Variants in WDR64 observed in about 807,000 individuals in gnomAD.
WDR64 encodes WD repeat domain 64, also known as WD repeat-containing protein 64.
Under a neutral mutation model 139.3 loss-of-function variants are expected in WDR64, and 112 were observed. The ratio of observed to expected loss-of-function variants is 0.80; its 90% confidence interval spans 0.69 to 0.94. The LOEUF is 0.94. WDR64 is among the 40% of genes least tolerant of loss of function. The pLI is 0.00. For synonymous variants in WDR64, 444 were observed against 437.7 expected (o/e 1.01, Z -0.18); for missense variants, 1,206 against 1,293.1 (o/e 0.93, Z 1.03).
intron 14 of WDR64, among the ~76,000 whole-genome samples, chr1:241,755,415 GT>G (rs1211933388): frequency 6.6e-6 from 1 of 152,048 alleles, no homozygotes; most frequent in Non-Finnish European, 1.5e-5. Flanking sequence ...TAATGGGGTT[GT>G]TTTTTTCTTG....
chr1:241,652,480 T>A lies in WDR64; in HGVS notation c.-5T>A, dbSNP rs1433880922. 2 of 1,551,924 alleles carry A rather than the reference T, an allele frequency of 1.3e-6. No homozygotes were observed. The highest frequency in any genetic ancestry group is 2.4e-5 in the East Asian group (1 of 40,916). On this transcript the variant is annotated 5_prime_UTR_variant, in exon 1 of 28. Transcript: ENST00000437684. ...GTACAGAAGTAAAAGATCCCCTATG[T>A]CCCTATGGATATCAGGAAGGAAAAG...
chr1:241,753,403 A>C (rs1340204335), intron 14 of WDR64, among the ~76,000 whole-genome samples: 3 of 152,192 alleles, frequency 2.0e-5, no homozygotes, highest in Non-Finnish European at 4.4e-5. Context: ...AATAATAACC[A>C]GTTAGAAAAT....
Position 241,749,590 on chromosome 1 carries a change from G to T in WDR64, c.1638G>T (p.Lys546Asn). The stretch of plus-strand genomic sequence containing the variant: ...ACTTTGGCAGTGGGCAGGAGATGAA[G>T]GTGTTGCCGGAGGGGAAAGACTGGA... ...IWDFGSGQEM[K>N]VLPEGKDWKE... Residue 546 changes from lysine (K) to asparagine (N), a missense_variant, in exon 14 of 28, where the codon AAG becomes AAT. Lys to Asn is a moderately conservative substitution (Grantham distance 94, BLOSUM62 0). Coordinates refer to ENST00000437684, the MANE Select transcript of WDR64 (RefSeq NM_001367482.1). 6.2e-7 allele frequency: 1 copy of T among 1,614,126 alleles called. No individual in the cohort carries two copies. The highest frequency in any genetic ancestry group is 8.5e-7 in the Non-Finnish European group (1 of 1,180,014).
intron 15 of WDR64, among the ~76,000 whole-genome samples, chr1:241,765,822 T>C (rs936609569): frequency 2.6e-5 from 4 of 152,152 alleles, no homozygotes; most frequent in South Asian, 4.1e-4. Context: ...TAATGATAAA[T>C]AGCTATCACA....
chr1:241,749,642 C>T lies in WDR64; in HGVS notation c.1690C>T (p.Leu564Phe), dbSNP rs1189531256. 1 of 1,614,100 alleles carries T rather than the reference C, an allele frequency of 6.2e-7. No individual in the cohort carries two copies. Among genetic ancestry groups the T allele is most frequent in the Non-Finnish European group, 8.5e-7 (1 of 1,179,996 alleles). ...WKEDEHCLRRLIFLKAQEKHQ... is the reference protein window; with the variant it reads ...WKEDEHCLRRFIFLKAQEKHQ... ...GGAGGACGAGCACTGCCTACGACGCCTCATTTTCCTCAAAGCCCAAGAAAA... is the reference window on the plus strand; with the variant it reads ...GGAGGACGAGCACTGCCTACGACGCTTCATTTTCCTCAAAGCCCAAGAAAA... The change falls in exon 14 of 28, where the codon CTC becomes TTC. Residue 564 changes from leucine to phenylalanine, a missense_variant. Physicochemically the swap from Leu to Phe is conservative, Grantham distance 22 (BLOSUM62 0). Transcript: ENST00000437684.
chr1:241,689,265 C>T (rs185944220), intron 8 of WDR64, among the ~76,000 whole-genome samples: 1 of 151,452 alleles, frequency 6.6e-6, no homozygotes, highest in Non-Finnish European at 1.5e-5. Context: ...AAAAAAATTA[C>T]AAGGCATACT....
At chr1:241,744,619 C>T in intron 13 of WDR64, 103 bp downstream of exon 13, 1 of 1,477,516 alleles carries the variant, frequency 6.8e-7, no homozygotes, top group Non-Finnish European at 9.2e-7. Flanking sequence ...ATGAAGCAGG[C>T]TGGACTATGT....
chr1:241,701,524 C>G (rs1667711014), intron 8 of WDR64, among the ~76,000 whole-genome samples: 1 of 152,186 alleles, frequency 6.6e-6, no homozygotes, highest in South Asian at 2.1e-4. Flanking sequence ...GATCTTTGCT[C>G]TGAACAACAT....
intron 21 of WDR64, among the ~76,000 whole-genome samples, chr1:241,775,892 T>C (rs1402366929): frequency 6.6e-6 from 1 of 152,120 alleles, no homozygotes; most frequent in African/African-American, 2.4e-5. Context: ...CTTAGCCCCC[T>C]TTCACTTTCT....
intron 10 of WDR64, among the ~76,000 whole-genome samples, chr1:241,724,716 G>T (rs957966822): frequency 6.6e-6 from 1 of 152,164 alleles, no homozygotes; most frequent in Non-Finnish European, 1.5e-5. Flanking sequence ...TAATTCCTAA[G>T]CATAGCACCT....
At chr1:241,749,240 TG>T (rs1669888322) in intron 13 of WDR64, among the ~76,000 whole-genome samples, 2 of 152,244 alleles carry the variant, frequency 1.3e-5, no homozygotes, top group East Asian at 3.9e-4. Flanking sequence ...TGAGAAGCGT[TG>T]GGAGAATAAC....
At chr1:241,763,466 T>A (rs997178560) in intron 15 of WDR64, among the ~76,000 whole-genome samples, 3 of 152,142 alleles carry the variant, frequency 2.0e-5, no homozygotes, top group Non-Finnish European at 4.4e-5. Context: ...TCCCGGCACT[T>A]TGGGAGGCCA....
chr1:241,679,864 A>C (rs185511656), intron 6 of WDR64, among the ~76,000 whole-genome samples: 14 of 152,294 alleles, frequency 9.2e-5, no homozygotes, highest in Non-Finnish European at 1.8e-4. Flanking sequence ...CCCTTCTCTG[A>C]ATCCAAGTAT....
intron 23 of WDR64, among the ~76,000 whole-genome samples, chr1:241,786,086 G>C (rs1474255187): frequency 6.6e-6 from 1 of 152,186 alleles, no homozygotes; most frequent in East Asian, 1.9e-4. Flanking sequence ...ATTTCTCTTT[G>C]GTAAAGGTTC....
chr1:241,653,731 G>T (rs12749459), intron 1 of WDR64, among the ~76,000 whole-genome samples: 1 of 151,882 alleles, frequency 6.6e-6, no homozygotes, highest in Non-Finnish European at 1.5e-5. Context: ...TTTTAGTAGA[G>T]ACGGGGTTTC....
At chr1:241,789,691 C>T (rs890471267) in intron 24 of WDR64, among the ~76,000 whole-genome samples, 4 of 152,092 alleles carry the variant, frequency 2.6e-5, no homozygotes, top group African/African-American at 9.7e-5. Context: ...AACAAGTGGA[C>T]ACACAGAGGG....
intron 24 of WDR64, among the ~76,000 whole-genome samples, chr1:241,789,391 G>T (rs1206253790): frequency 6.6e-6 from 1 of 152,098 alleles, no homozygotes; most frequent in Non-Finnish European, 1.5e-5. Flanking sequence ...GTATCCAAAG[G>T]AATATAAATC....
chr1:241,722,847 T>C (rs1299979261), intron 9 of WDR64, among the ~76,000 whole-genome samples: 1 of 152,112 alleles, frequency 6.6e-6, no homozygotes, highest in East Asian at 1.9e-4. Flanking sequence ...GACGGAAAAA[T>C]GACAACAGTT....
intron 21 of WDR64, among the ~76,000 whole-genome samples, chr1:241,778,385 G>A (rs755759339): frequency 1.3e-3 from 191 of 152,142 alleles, no homozygotes; most frequent in Middle Eastern, 3.4e-3. Context: ...TAATCTATAT[G>A]TATCTATATT....
Sources: allele counts gnomAD v4.1 joint callset (sites outside exome capture counted in the v4.1 genomes callset), GRCh38; gene constraint gnomAD v4.1.1; transcripts MANE v1.5; gene names NCBI Gene and HGNC (gene_info 2026-07-23, HGNC 2026-07-21).